AHCTF1: variants seen among roughly 807,000 people sequenced by gnomAD.
AHCTF1 encodes AT-hook containing transcription factor 1, also known as protein ELYS.
In AHCTF1, 24 loss-of-function variants were observed where a neutral mutation model predicts 248.4. The ratio of observed to expected loss-of-function variants is 0.10; its 90% CI spans 0.07 to 0.14. The LOEUF is 0.14. Ranked by LOEUF, AHCTF1 falls within the 10% of genes least tolerant of loss-of-function variation. AHCTF1 has a pLI of 1.00. For synonymous variants in AHCTF1, 786 were observed against 929.8 expected (o/e 0.85, Z 2.81); for missense variants, 2,206 against 2,636.2 (o/e 0.84, Z 3.57).
chr1:246,868,992 C>A (rs549855644), intron 24 of AHCTF1, among the ~76,000 whole-genome samples: 233 of 150,310 alleles, frequency 1.6e-3, no homozygotes, highest in Admixed American at 3.2e-3. Context: ...CTACAGGCGC[C>A]CGCCACCATG....
rs534256072 is a variant in AHCTF1 at position 246,893,659 on chromosome 1, C to T, written c.1804+1000G>A. ...TGCCACAATAATAACGACATCTATC[C>T]ATGGAGGACAGCAGTGATGCATTTT... On this transcript the variant is annotated intron_variant, in intron 14 of 35. Coordinates refer to ENST00000648844, the MANE Select transcript of AHCTF1 (RefSeq NM_001323342.2). Among the ~76,000 whole-genome samples, 3 of 152,274 alleles carry T rather than the reference C, an allele frequency of 2.0e-5. No homozygotes were observed. In the South Asian group the frequency reaches 6.2e-4, roughly 32 times the overall value.
chr1:246,849,493 A>T, intron 33 of AHCTF1, 122 bp downstream of exon 33: 3 of 1,241,444 alleles, frequency 2.4e-6, no homozygotes, highest in Non-Finnish European at 3.3e-6. Flanking sequence ...CTAAAAGATC[A>T]ATTTTGGTTT....
rs560191505 is a variant in AHCTF1, at chr1:246,928,848, T to C, written c.-8+2730A>G. Reference sequence around the variant, plus strand: ...TTGTCATTTAAATGTAAACTACCAGTGGACCCAGAAACTTCAAGCCTTTCA... The same window carrying C: ...TTGTCATTTAAATGTAAACTACCAGCGGACCCAGAAACTTCAAGCCTTTCA... On this transcript the variant is annotated intron_variant, in intron 1 of 35. Transcript: ENST00000648844. Among the ~76,000 whole-genome samples the C allele has an allele frequency of 9.2e-5, 14 of 152,346 alleles. No homozygotes were observed. The East Asian group carries it at 2.7e-3, about 29-fold the overall frequency.
intron 3 of AHCTF1, 81 bp from the exon 4 acceptor site, chr1:246,913,493 G>T: frequency 7.4e-7 from 1 of 1,353,624 alleles, no homozygotes; most frequent in Non-Finnish European, 1.0e-6. Flanking sequence ...AGTTAAAGCA[G>T]GTTATCAGTT....
intron 30 of AHCTF1, among the ~76,000 whole-genome samples, chr1:246,856,107 C>T (rs1661094147): frequency 2.6e-5 from 4 of 152,326 alleles, no homozygotes; most frequent in East Asian, 3.9e-4. Flanking sequence ...TGTCAGTATA[C>T]ATTATATTTA....
intron 24 of AHCTF1, among the ~76,000 whole-genome samples, chr1:246,868,709 A>C (rs1014690610): frequency 1.3e-5 from 2 of 151,572 alleles, no homozygotes; most frequent in Non-Finnish European, 2.9e-5. Flanking sequence ...ATACACTAGT[A>C]AATAAACAGT....
At chr1:246,869,676 A>G (rs574598386) in intron 24 of AHCTF1, among the ~76,000 whole-genome samples, 1 of 152,230 alleles carries the variant, frequency 6.6e-6, no homozygotes, top group East Asian at 1.9e-4. Flanking sequence ...AGCATGGTTT[A>G]CCGAATATTT....
chr1:246,922,436 T>G (rs544813018), intron 1 of AHCTF1, among the ~76,000 whole-genome samples: 9 of 144,218 alleles, frequency 6.2e-5, no homozygotes, highest in African/African-American at 2.6e-4. Flanking sequence ...TTGGGTTGTT[T>G]TTTTTTTTTG....
intron 1 of AHCTF1, among the ~76,000 whole-genome samples, chr1:246,930,000 C>T (rs1176844919): frequency 1.3e-5 from 2 of 150,008 alleles, no homozygotes; most frequent in Non-Finnish European, 2.9e-5. Context: ...TGCAGTGAGC[C>T]AAGATTGTGC....
chr1:246,862,343 G>A (rs1261258800), intron 27 of AHCTF1, among the ~76,000 whole-genome samples, 190 bp from the exon 28 acceptor site: 1 of 152,092 alleles, frequency 6.6e-6, no homozygotes, highest in Non-Finnish European at 1.5e-5. Flanking sequence ...AGGCAGGCGG[G>A]GTGGCGGGCG....
At chr1:246,929,200 G>C (rs1211789794) in intron 1 of AHCTF1, among the ~76,000 whole-genome samples, 1 of 152,054 alleles carries the variant, frequency 6.6e-6, no homozygotes, top group Non-Finnish European at 1.5e-5. Flanking sequence ...TCTGAGCTCA[G>C]GAGTTCGAGA....
chr1:246,858,175 G>A (rs1661244302), intron 29 of AHCTF1, among the ~76,000 whole-genome samples: 1 of 151,746 alleles, frequency 6.6e-6, no homozygotes, highest in African/African-American at 2.4e-5. Context: ...TAGCCAGGAT[G>A]GTCTCGATCT....
chr1:246,894,796 A>G, intron 13 of AHCTF1, 48 bp from the exon 14 acceptor site: 1 of 1,509,378 alleles, frequency 6.6e-7, no homozygotes. Flanking sequence ...TTAATTACAA[A>G]CAGAGTTCTA....
In AHCTF1 at chr1:246,870,712, G is replaced by A. The variant is rs763745535; in HGVS notation, c.3089-2901C>T. 3.6e-4 allele frequency among the ~76,000 whole-genome samples: 46 copies of A among 126,346 alleles called. 1 individual carries two copies. The highest frequency in any genetic ancestry group is 7.9e-3 in the Middle Eastern group (2 of 252). 82.9% of individuals were successfully genotyped at this position (126,346 alleles called of 152,430 possible). On this transcript the variant is annotated intron_variant, in intron 24 of 35. Transcript: ENST00000648844. ...CCCTAAACTTTCTAGCTAAAAGAGG[G>A]TATAAAACCTCAAAAAAAAAAAAAA...
At chr1:246,882,435 T>TAATTTAATTTTAATTTAATTTGTAAATTA (rs1262255903) in intron 21 of AHCTF1, among the ~76,000 whole-genome samples, 1 of 152,204 alleles carries the variant, frequency 6.6e-6, no homozygotes, top group African/African-American at 2.4e-5. Flanking sequence ...TTAAAACTTC[T>TAATTTAATTTTAATTTAATTTGTAAATTA]AAATCATAGA....
chr1:246,918,150 G>T, intron 2 of AHCTF1, 100 bp downstream of exon 2: 1 of 1,125,472 alleles, frequency 8.9e-7, no homozygotes. Context: ...CTCAGGTTCT[G>T]CTTTTTCTTC....
rs1553291754 is a variant in AHCTF1, at chr1:246,868,998, C to CTA, written c.3089-1188_3089-1187insTA. On this transcript the variant is annotated intron_variant, in intron 24 of 35. Transcript: ENST00000648844. ...TAGCTGGGACTACAGGCGCCCGCCA[C>CTA]CATGCCTGGCTAACTTTTTCTATTT... Among the ~76,000 whole-genome samples, 115 of 151,352 alleles carry CTA rather than the reference C, an allele frequency of 7.6e-4. 1 individual carries two copies. Among genetic ancestry groups the CTA allele is most frequent in the African/African-American group, 1.4e-3 (56 of 40,974 alleles).
At chr1:246,927,693 C>G (rs1388621174) in intron 1 of AHCTF1, among the ~76,000 whole-genome samples, 1 of 152,184 alleles carries the variant, frequency 6.6e-6, no homozygotes, top group Non-Finnish European at 1.5e-5. Context: ...CAGGAACGTT[C>G]TACTGGCTTT....
At chr1:246,893,934 G>C (rs964358426) in intron 14 of AHCTF1, among the ~76,000 whole-genome samples, 17 of 152,234 alleles carry the variant, frequency 1.1e-4, no homozygotes, top group African/African-American at 3.9e-4. Flanking sequence ...TGGATGTAGT[G>C]GCTCACGCCT....
Sources: allele counts gnomAD v4.1 joint callset (sites outside exome capture counted in the v4.1 genomes callset), GRCh38; gene constraint gnomAD v4.1.1; transcripts MANE v1.5; gene names NCBI Gene and HGNC (gene_info 2026-07-23, HGNC 2026-07-21).